MYO18A: variants seen among roughly 807,000 people sequenced by gnomAD.
The protein encoded by MYO18A is unconventional myosin-XVIIIa.
A neutral mutation model predicts 235.8 loss-of-function variants in MYO18A; 78 were observed. The ratio of observed to expected loss-of-function variants is 0.33; its 90% confidence interval spans 0.28 to 0.40. The LOEUF is 0.40. Among genes scored for constraint, MYO18A ranks in the 10% least tolerant of loss-of-function variants. MYO18A has a pLI of 1.00. For synonymous variants in MYO18A, 977 were observed against 1,077.8 expected (o/e 0.91, Z 1.83); for missense variants, 2,215 against 2,699.3 (o/e 0.82, Z 3.98).
At chr17:29,137,609 A>C (rs78567852) in intron 2 of MYO18A, among the ~76,000 whole-genome samples, 28 of 152,232 alleles carry the variant, frequency 1.8e-4, no homozygotes, top group Admixed American at 1.3e-4. Context: ...AAAAAAACGC[A>C]AAGATTTTTA....
intron 41 of MYO18A, chr17:29,079,926 C>T: frequency 1.0e-6 from 1 of 985,940 alleles, no homozygotes; most frequent in Non-Finnish European, 1.2e-6. Context: ...AGGACTCAGA[C>T]TCCGTCTCCG....
chr17:29,133,838 G>A, intron 2 of MYO18A: 1 of 1,289,376 alleles, frequency 7.8e-7, no homozygotes, highest in Non-Finnish European at 1.0e-6. Context: ...AAAGGCCATG[G>A]CGCTGAAGGT....
At chr17:29,142,248 T>A (rs867225772) in intron 2 of MYO18A, among the ~76,000 whole-genome samples, 12 of 152,230 alleles carry the variant, frequency 7.9e-5, no homozygotes, top group Admixed American at 5.9e-4. Context: ...TGGGATTTTT[T>A]ATTGATAAAA....
chr17:29,091,800 A>G, intron 34 of MYO18A: 1 of 387,780 alleles, frequency 2.6e-6, no homozygotes, highest in Non-Finnish European at 5.1e-6. Flanking sequence ...GGTGGGTCCC[A>G]GGACCAGTGA....
At position 29,115,839 on chromosome 17, in the gene MYO18A, A is replaced by G. The variant is rs1169830039; in HGVS notation, c.2052T>C (p.Ala684=). Residue 684 remains alanine (A), a splice_region_variant and synonymous_variant, in exon 12 of 42, where the codon GCT becomes GCC. Transcript: ENST00000527372. ...AAGATKEAAE[A]GRKQFARHEW... ...CATGGCGGGCAAACTGCTTGCGCCCAGCTGTGGAGTGGAAAAAGGGATCTG... is the reference window on the plus strand; with the variant it reads ...CATGGCGGGCAAACTGCTTGCGCCCGGCTGTGGAGTGGAAAAAGGGATCTG... 6.4e-7 allele frequency: 1 copy of G among 1,573,856 alleles called. No homozygotes were observed. The highest frequency in any genetic ancestry group is 2.3e-5 in the East Asian group (1 of 42,748).
intron 1 of MYO18A, among the ~76,000 whole-genome samples, chr17:29,178,959 C>A (rs2068590886): frequency 6.6e-6 from 1 of 152,222 alleles, no homozygotes; most frequent in South Asian, 2.1e-4. Flanking sequence ...GCCACAGGGG[C>A]ACTGATGAGG....
chr17:29,121,280 C>A lies in MYO18A; in HGVS notation c.1372-69G>T. On this transcript the variant is annotated intron_variant, in intron 5 of 41. Transcript: ENST00000527372. This position sits in a 1 kb window ranked among gnomAD's most constrained non-coding sequence, Gnocchi z 4.2. Reference sequence around the variant, plus strand: ...GATCCCATTAAGACACCCCTCACCCCCAAGGTCCACATCTTTCTGGATTTT... The same window carrying A: ...GATCCCATTAAGACACCCCTCACCCACAAGGTCCACATCTTTCTGGATTTT... The A allele has an allele frequency of 2.7e-6, 4 of 1,488,468 alleles. No individual in the cohort carries two copies. The highest frequency in any genetic ancestry group is 2.0e-5 in the Admixed American group (1 of 50,418). 92.2% of individuals were successfully genotyped at this position (1,488,468 alleles called of 1,614,324 possible).
At chr17:29,116,820 T>C (rs1193682442) in intron 10 of MYO18A, among the ~76,000 whole-genome samples, 1 of 146,008 alleles carries the variant, frequency 6.8e-6, no homozygotes, top group East Asian at 2.1e-4. Flanking sequence ...ACCCGGAGCT[T>C]TCCGCTTGCA....
At chr17:29,127,568 C>T (rs372413146) in intron 2 of MYO18A, among the ~76,000 whole-genome samples, 5 of 152,228 alleles carry the variant, frequency 3.3e-5, no homozygotes, top group African/African-American at 9.7e-5. Context: ...CTCAAGCTGG[C>T]GCCATGTAGC....
intron 41 of MYO18A, chr17:29,080,072 G>C: frequency 1.0e-6 from 1 of 985,944 alleles, no homozygotes; most frequent in Admixed American, 6.1e-5. Context: ...CGCCGGCTCC[G>C]GCTCTTCCGG....
rs776063765 is a variant in MYO18A, at chr17:29,098,937, C to A, written c.3669G>T (p.Lys1223Asn). ...IQDLAIRCVQ[K>N]NIKKNKGVKD... is the part of the protein sequence containing the mutation. ...TCACCCCTTTGTTCTTCTTGATGTT[C>A]TTCTGTACACAGCGAATGGCCAGGT... Residue 1223 changes from lysine to asparagine, a missense_variant, in exon 23 of 42, where the codon AAG (lysine) becomes AAT (asparagine). Physicochemically the swap from Lys to Asn is moderately conservative, Grantham distance 94 (BLOSUM62 0). Transcript: ENST00000527372. 4.3e-6 allele frequency: 7 copies of A among 1,613,648 alleles called. No individual in the cohort carries two copies. Among genetic ancestry groups the A allele is most frequent in the African/African-American group, 1.3e-5 (1 of 74,882 alleles).
intron 37 of MYO18A, 131 bp from the exon 38 acceptor site, chr17:29,087,252 G>T: frequency 1.1e-6 from 1 of 883,570 alleles, no homozygotes; most frequent in Non-Finnish European, 1.7e-6. Flanking sequence ...GGCTACCTGG[G>T]CAAGCAACCC....
chr17:29,166,393 C>T lies in MYO18A; in HGVS notation c.548G>A (p.Gly183Asp). ...EGQLVQHPGP[G>D]IPRPGHRSRA... The stretch of plus-strand genomic sequence containing the variant: ...GGATCGGTGCCCTGGTCGAGGGATG[C>T]CTGGGCCAGGATGCTGCACCAGCTG... The change falls in exon 2 of 42, where the codon GGC becomes GAC. Residue 183 changes from glycine to aspartate, a missense_variant. Gly to Asp is a moderately conservative substitution (Grantham distance 94, BLOSUM62 -1). Coordinates refer to ENST00000527372, the MANE Select transcript of MYO18A (RefSeq NM_078471.4). 3.1e-6 allele frequency: 5 copies of T among 1,613,744 alleles called. No homozygotes were observed. Among genetic ancestry groups the T allele is most frequent in the Non-Finnish European group, 4.2e-6 (5 of 1,179,876 alleles).
At chr17:29,090,259 T>G in intron 36 of MYO18A, 161 bp from the exon 37 acceptor site, 1 of 785,944 alleles carries the variant, frequency 1.3e-6, no homozygotes, top group Non-Finnish European at 2.0e-6. Context: ...GCCTCCCCCA[T>G]CTGCCCCAGT....
intron 2 of MYO18A, among the ~76,000 whole-genome samples, chr17:29,130,527 C>CACA (rs2067446780): frequency 7.4e-6 from 1 of 134,556 alleles, no homozygotes; most frequent in Non-Finnish European, 1.6e-5. Context: ...CACACACACA[C>CACA]AACCCTTTCA....
At position 29,082,448 on chromosome 17, in the gene MYO18A, T is replaced by C; in HGVS notation, c.5898-10A>G. The C allele has an allele frequency of 1.2e-6, 2 of 1,611,112 alleles. No individual in the cohort carries two copies. Among genetic ancestry groups the C allele is most frequent in the Non-Finnish European group, 1.7e-6 (2 of 1,179,036 alleles). ...ATCAGAGTCTCCCTCACTGTAGGGA[T>C]GAGGAGCAGAAAGGTAGACAAGGCA... On this transcript the variant is annotated splice_polypyrimidine_tract_variant and intron_variant, in intron 40 of 41. Transcript: ENST00000527372.
chr17:29,161,708 C>T (rs372064323), intron 2 of MYO18A, among the ~76,000 whole-genome samples: 12 of 152,108 alleles, frequency 7.9e-5, no homozygotes, highest in Non-Finnish European at 1.3e-4. Flanking sequence ...TAGAATGGAC[C>T]GACTGAGGAT....
At position 29,073,456 on chromosome 17, in the gene MYO18A, C is replaced by T. The variant is rs934316616; in HGVS notation, c.*1314G>A. The T allele has an allele frequency of 6.0e-6, 1 of 166,200 alleles. No individual in the cohort carries two copies. Among genetic ancestry groups the T allele is most frequent in the East Asian group, 1.7e-4 (1 of 5,794 alleles). The allele number at this position is 166,200 out of a possible 1,614,324, so 10.3% of individuals were successfully genotyped here. ...CCCATCAGAATCCTGCCTCTGCCCA[C>T]CACCCCCAGGACCAATCCAGACTTT... On this transcript the variant is annotated 3_prime_UTR_variant, in exon 42 of 42. Coordinates refer to ENST00000527372, the MANE Select transcript of MYO18A (RefSeq NM_078471.4).
chr17:29,105,351 C>A (rs528245027), intron 20 of MYO18A, among the ~76,000 whole-genome samples: 2 of 151,734 alleles, frequency 1.3e-5, no homozygotes, highest in Admixed American at 6.6e-5. Context: ...TCCAGGGAGA[C>A]GATGACAGAG....
Sources: gnomAD v4.1 joint callset for allele counts (sites outside exome capture counted in the v4.1 genomes callset) on GRCh38, gnomAD v4.1.1 for gene constraint, Gnocchi (gnomAD v3.1) non-coding constraint, MANE v1.5 for transcripts, NCBI Gene and HGNC (gene_info 2026-07-23, HGNC 2026-07-21) for gene names.